The following CYP4Z1 variants were observed in gnomAD, a reference collection of about 807,000 sequenced individuals.
CYP4Z1 encodes the protein cytochrome P450 family 4 subfamily Z member 1, also known as cytochrome P450 4Z1.
Under a neutral mutation model 54.2 loss-of-function variants are expected in CYP4Z1, and 41 were observed. The observed-to-expected ratio is 0.76, with a 90% CI of 0.59 to 0.98. The LOEUF (loss-of-function observed/expected upper bound fraction) is 0.98, where lower values mean the gene tolerates loss of function less well. Among genes scored for constraint, CYP4Z1 ranks in the 50% least tolerant of loss-of-function variants. CYP4Z1 has a pLI of 0.00. For missense variants in CYP4Z1, 513 were observed against 599.0 expected (o/e 0.86, Z 1.50); for synonymous variants, 163 against 206.2 (o/e 0.79, Z 1.79).
intron 9 of CYP4Z1, among the ~76,000 whole-genome samples, chr1:47,110,191 G>A (rs6704197): frequency 0.35 from 43,137 of 121,920 alleles, 8,606 homozygotes; most frequent in East Asian, 0.95. Context: ...GAATCTGATG[G>A]TCCAGTAAGC....
rs1304959586 is a variant in CYP4Z1 at position 47,094,664 on chromosome 1, G to A, written c.871G>A (p.Ala291Thr). 4.4e-6 allele frequency: 7 copies of A among 1,608,216 alleles called. No homozygotes were observed. The highest frequency in any genetic ancestry group is 5.1e-6 in the Non-Finnish European group (6 of 1,177,402). ...GGATTTTCTGGACATACTTTTGAGT[G>A]CCAAAGTAAGTCTTCTAAACTTCTG... ...RWDFLDILLS[A>T]KSENTKDFSE... Residue 291 changes from alanine to threonine, a missense_variant, in exon 7 of 12, where the codon GCC becomes ACC. Physicochemically the swap from Ala to Thr is moderately conservative, Grantham distance 58 (BLOSUM62 0). Transcript: ENST00000334194.
At chr1:47,065,345 A>G (rs1008773723), upstream of CYP4Z1, among the ~76,000 whole-genome samples, 1 of 152,158 alleles carries the variant, frequency 6.6e-6, no homozygotes, top group African/African-American at 2.4e-5. Flanking sequence ...TCAAACCACA[A>G]TGGAAAAAAA....
chr1:47,060,488 G>T, the CYP4Z1 span, among the ~76,000 whole-genome samples: 1 of 120,458 alleles, frequency 8.3e-6, no homozygotes, highest in Non-Finnish European at 1.7e-5. Context: ...CAAGGTAAAG[G>T]GTTCTATTTA....
chr1:47,067,814 G>A (rs542965715), intron 1 of CYP4Z1, 147 bp downstream of exon 1: 2 of 698,206 alleles, frequency 2.9e-6, no homozygotes, highest in South Asian at 3.9e-5. Context: ...TCTATGATAT[G>A]GGGAGGAAAG....
chr1:47,093,730 T>C (rs1644656409), intron 6 of CYP4Z1, among the ~76,000 whole-genome samples: 1 of 152,186 alleles, frequency 6.6e-6, no homozygotes, highest in Non-Finnish European at 1.5e-5. Flanking sequence ...GACATTTTAC[T>C]CCTAACTGCT....
intron 7 of CYP4Z1, 64 bp from the exon 8 acceptor site, chr1:47,099,030 T>C: frequency 1.9e-6 from 3 of 1,541,706 alleles, no homozygotes; most frequent in Non-Finnish European, 2.7e-6. Context: ...TTATCATTGC[T>C]ACAATTGAAA....
At chr1:47,078,231 T>C (rs889836473) in intron 2 of CYP4Z1, among the ~76,000 whole-genome samples, 13 of 152,178 alleles carry the variant, frequency 8.5e-5, no homozygotes, top group South Asian at 4.2e-4. Context: ...CATTCTGTTT[T>C]CTATTTCTGC....
At chr1:47,096,889 CA>C (rs1179210549) in intron 7 of CYP4Z1, 1 of 152,252 alleles carries the variant, frequency 6.6e-6, no homozygotes, top group African/African-American at 2.4e-5. Context: ...CTCAGCCTCC[CA>C]AAATGCTAGG....
Position 47,106,137 on chromosome 1 carries a change from G to A in CYP4Z1, c.1077G>A (p.Leu359=), listed in dbSNP as rs1644755256. 1 of 1,613,638 alleles carries A rather than the reference G, an allele frequency of 6.2e-7. No individual in the cohort carries two copies. Among genetic ancestry groups the A allele is most frequent in the African/African-American group, 1.3e-5 (1 of 74,968 alleles). ...GDGSSITWEH[L]SQMPYTTMCI... is the part of the protein sequence containing the mutation. ...CTGTGCTTCTACCCAGGGAACACCT[G>A]AGCCAGATGCCTTACACCACGATGT... is the stretch of plus-strand genomic sequence containing the variant. Residue 359 remains leucine (L), a synonymous_variant, in exon 9 of 12, where the codon CTG becomes CTA. Transcript: ENST00000334194.
Position 47,068,708 on chromosome 1 carries a change from G to A in CYP4Z1, c.264G>A (p.Thr88=), listed in dbSNP as rs139833499. The A allele has an allele frequency of 7.4e-6, 12 of 1,614,010 alleles. No homozygotes were observed. Among genetic ancestry groups the A allele is most frequent in the Non-Finnish European group, 1.0e-5 (12 of 1,180,012 alleles). The change falls in exon 2 of 12, where the codon ACG becomes ACA. Residue 88 remains threonine (T), a synonymous_variant. Transcript: ENST00000334194. Reference sequence around the variant, plus strand: ...TTCCCTTGTGGGTTGGACCCTTTACGATGTTCTTCAGTGTCCATGACCCAG... The same window carrying A: ...TTCCCTTGTGGGTTGGACCCTTTACAATGTTCTTCAGTGTCCATGACCCAG... ...CAVPLWVGPF[T]MFFSVHDPDY...
At chr1:47,087,984 T>A (rs544583915) in intron 6 of CYP4Z1, among the ~76,000 whole-genome samples, 1 of 152,358 alleles carries the variant, frequency 6.6e-6, no homozygotes, top group South Asian at 2.1e-4. Context: ...TCTCTTTATA[T>A]GCTGGATTAC....
the CYP4Z1 span, among the ~76,000 whole-genome samples, chr1:47,058,272 T>G: frequency 6.6e-6 from 1 of 152,066 alleles, no homozygotes; most frequent in Non-Finnish European, 1.5e-5. Context: ...TAATTATTTT[T>G]ATTATAATTA....
At chr1:47,116,354 G>A (rs1644830119) in intron 10 of CYP4Z1, among the ~76,000 whole-genome samples, 1 of 152,166 alleles carries the variant, frequency 6.6e-6, no homozygotes, top group Admixed American at 6.6e-5. Flanking sequence ...GGAAAATAAT[G>A]AAGTCACTAT....
intron 4 of CYP4Z1, among the ~76,000 whole-genome samples, chr1:47,083,531 C>T (rs774118085): frequency 1.7e-4 from 26 of 152,218 alleles, no homozygotes; most frequent in African/African-American, 6.3e-4. Flanking sequence ...TGCAGTGGCT[C>T]ATGCCTGTAA....
At chr1:47,107,506 A>G (rs1222057826) in intron 9 of CYP4Z1, among the ~76,000 whole-genome samples, 1 of 152,136 alleles carries the variant, frequency 6.6e-6, no homozygotes, top group African/African-American at 2.4e-5. Flanking sequence ...TTACCTACAT[A>G]ATATTGCATC....
At chr1:47,077,643 C>G (rs1644535228) in intron 2 of CYP4Z1, among the ~76,000 whole-genome samples, 1 of 151,102 alleles carries the variant, frequency 6.6e-6, no homozygotes, top group Admixed American at 6.6e-5. Context: ...TTTTTAGAGA[C>G]AGGGTCTTGC....
At position 47,067,637 on chromosome 1, in the gene CYP4Z1, C is replaced by A; in HGVS notation, c.147C>A (p.Pro49=). Residue 49 remains proline, a synonymous_variant, in exon 1 of 12, where the codon CCC becomes CCA. Transcript: ENST00000334194. Reference sequence around the variant, plus strand: ...GAGCCCTGCACCTGTTTCCTGCACCCCCTGCCCACTGGTTCTATGGCCACA... The same window carrying A: ...GAGCCCTGCACCTGTTTCCTGCACCACCTGCCCACTGGTTCTATGGCCACA... ...MIRALHLFPA[P]PAHWFYGHKE... The A allele has an allele frequency of 6.2e-7, 1 of 1,610,498 alleles. No individual in the cohort carries two copies. The highest frequency in any genetic ancestry group is 8.5e-7 in the Non-Finnish European group (1 of 1,177,840).
At chr1:47,109,903 A>G (rs1337367391) in intron 9 of CYP4Z1, among the ~76,000 whole-genome samples, 1 of 151,992 alleles carries the variant, frequency 6.6e-6, no homozygotes, top group East Asian at 1.9e-4. Flanking sequence ...ACAAACCACC[A>G]AAAGTTATGA....
chr1:47,081,989 T>C (rs1271265890), intron 3 of CYP4Z1, among the ~76,000 whole-genome samples: 1 of 150,178 alleles, frequency 6.7e-6, no homozygotes, highest in Non-Finnish European at 1.5e-5. Flanking sequence ...CTTCAACACC[T>C]AGGAATTATT....
Sources: gnomAD v4.1 joint callset for allele counts (sites outside exome capture counted in the v4.1 genomes callset) on GRCh38, gnomAD v4.1.1 for gene constraint, MANE v1.5 for transcripts, NCBI Gene and HGNC (gene_info 2026-07-23, HGNC 2026-07-21) for gene names.